Variants in PSME4 observed in about 807,000 individuals in gnomAD.
The protein encoded by PSME4 is proteasome activator subunit 4, also known as proteasome activator complex subunit 4.
In PSME4, 89 loss-of-function variants were observed where a neutral mutation model predicts 253.9. The observed-to-expected ratio is 0.35, with a 90% CI of 0.30 to 0.42. PSME4 has a LOEUF of 0.42. Among genes scored for constraint, PSME4 ranks in the 10% least tolerant of loss-of-function variants. PSME4 has a pLI of 1.00. For missense variants in PSME4, 2,014 were observed against 2,195.2 expected, an observed-to-expected ratio of 0.92 and a Z score of 1.65; for synonymous variants, 851 against 759.2, an observed-to-expected ratio of 1.12 and a Z score of -1.99.
intron 1 of PSME4, among the ~76,000 whole-genome samples, chr2:53,957,658 G>A (rs1670295804): frequency 6.6e-6 from 1 of 152,162 alleles, no homozygotes; most frequent in Admixed American, 6.5e-5. Flanking sequence ...GGGAGATGGA[G>A]ACCCCTACTT....
At chr2:53,960,164 C>G (rs1378092307) in intron 1 of PSME4, among the ~76,000 whole-genome samples, 1 of 152,116 alleles carries the variant, frequency 6.6e-6, no homozygotes. Context: ...CTTTGGGAGG[C>G]TGAGGCAGGT....
At chr2:53,959,397 T>A (rs1670380066) in intron 1 of PSME4, among the ~76,000 whole-genome samples, 2 of 152,112 alleles carry the variant, frequency 1.3e-5, no homozygotes, top group South Asian at 4.1e-4. Context: ...AGCTGCTTAA[T>A]CCCTGACAGC....
chr2:53,914,737 C>T (rs906007740), intron 20 of PSME4, among the ~76,000 whole-genome samples: 14 of 151,954 alleles, frequency 9.2e-5, no homozygotes, highest in African/African-American at 3.4e-4. Context: ...AAAAATTAGC[C>T]GGGCATGGTG....
At chr2:53,959,922 C>T (rs1035422099) in intron 1 of PSME4, among the ~76,000 whole-genome samples, 68 of 152,110 alleles carry the variant, frequency 4.5e-4, no homozygotes, top group Non-Finnish European at 3.5e-4. Flanking sequence ...ACCTGGAAGA[C>T]GAAACATGTA....
intron 41 of PSME4, among the ~76,000 whole-genome samples, chr2:53,880,128 T>A (rs1262001627): frequency 6.6e-6 from 1 of 152,172 alleles, no homozygotes; most frequent in Non-Finnish European, 1.5e-5. Flanking sequence ...TAAGGGTATT[T>A]CTTTAGAGAC....
At chr2:53,950,623 C>T (rs1365202153) in intron 1 of PSME4, among the ~76,000 whole-genome samples, 4 of 152,008 alleles carry the variant, frequency 2.6e-5, no homozygotes, top group Non-Finnish European at 4.4e-5. Flanking sequence ...GGGTGGATTA[C>T]CTGAGGTCAG....
chr2:53,919,238 A>G lies in PSME4; in HGVS notation c.2429T>C (p.Ile810Thr), dbSNP rs1258168028. Residue 810 changes from isoleucine to threonine, a missense_variant, in exon 20 of 47, where the codon ATT (isoleucine) becomes ACT (threonine). By Grantham distance (89) the Ile-to-Thr change is moderately conservative (BLOSUM62 -1). Transcript: ENST00000404125. The part of the protein sequence containing the change: ...DGKLEMSRDD[I>T]LQSLTIVHNC... ...GTGCACTATAGTCAGACTCTGTAGA[A>G]TATCATCTCTAGAAAAAAAAAAAAG... The G allele has an allele frequency of 7.0e-6, 11 of 1,579,302 alleles. No homozygotes were observed. The highest frequency in any genetic ancestry group is 9.4e-6 in the Non-Finnish European group (11 of 1,168,592).
intron 3 of PSME4, 31 bp downstream of exon 3, chr2:53,948,390 C>T: frequency 6.9e-6 from 10 of 1,451,500 alleles, no homozygotes; most frequent in Non-Finnish European, 9.7e-6. Context: ...CCAAGTACTC[C>T]CAAATAAGTG....
chr2:53,914,664 C>G (rs1334413361), intron 20 of PSME4, among the ~76,000 whole-genome samples: 1 of 152,090 alleles, frequency 6.6e-6, no homozygotes, highest in African/African-American at 2.4e-5. Flanking sequence ...GGGTGGATCA[C>G]AAGGTCAGGA....
intron 28 of PSME4, among the ~76,000 whole-genome samples, chr2:53,900,227 G>C (rs1222190778): frequency 6.6e-6 from 1 of 152,028 alleles, no homozygotes; most frequent in Non-Finnish European, 1.5e-5. Context: ...AATGGGAAGC[G>C]ACTGCTATTA....
At chr2:53,932,278 T>G (rs1000364207) in intron 9 of PSME4, among the ~76,000 whole-genome samples, 178 bp from the exon 10 acceptor site, 1 of 152,166 alleles carries the variant, frequency 6.6e-6, no homozygotes, top group Non-Finnish European at 1.5e-5. Flanking sequence ...TTATTCCTAA[T>G]AATTAATGAA....
chr2:53,925,639 G>A lies in PSME4; in HGVS notation c.1709C>T (p.Thr570Ile), dbSNP rs1449022285. ...CAAGTGTGTCATTTTCTCAGTTTCT[G>A]TCTCTTCTCTTGTTTGCTCCAATGT... ...SSTLEQTREE[T>I]ETEKMTHLES... The change falls in exon 14 of 47, where the codon ACA becomes ATA. Residue 570 changes from threonine (T) to isoleucine (I), a missense_variant. By Grantham distance (89) the Thr-to-Ile change is moderately conservative. Around this residue, in one of 4 missense-constraint regions of PSME4, gnomAD observed 989 missense variants for 1,021.1 expected, o/e 0.97. Transcript: ENST00000404125. 1 of 1,611,132 alleles carries A rather than the reference G, an allele frequency of 6.2e-7. No individual in the cohort carries two copies. Among genetic ancestry groups the A allele is most frequent in the Admixed American group, 1.7e-5 (1 of 59,954 alleles).
intron 4 of PSME4, among the ~76,000 whole-genome samples, chr2:53,938,249 A>T (rs529767721): frequency 2.0e-5 from 3 of 152,192 alleles, no homozygotes; most frequent in Non-Finnish European, 4.4e-5. Flanking sequence ...TCAGTCCAGC[A>T]ATCTCTAGGC....
At chr2:53,900,661 C>T (rs1420591448) in intron 28 of PSME4, among the ~76,000 whole-genome samples, 3 of 152,158 alleles carry the variant, frequency 2.0e-5, no homozygotes, top group Non-Finnish European at 2.9e-5. Context: ...AATTACATCT[C>T]AATTAAAATT....
chr2:53,948,571 G>A, intron 2 of PSME4, 34 bp from the exon 3 acceptor site: 8 of 1,236,332 alleles, frequency 6.5e-6, no homozygotes, highest in Non-Finnish European at 8.3e-6. Flanking sequence ...ACCTATGTAT[G>A]CATATGTGCA....
intron 1 of PSME4, among the ~76,000 whole-genome samples, chr2:53,966,565 A>G (rs917966587): frequency 6.9e-6 from 1 of 144,976 alleles, no homozygotes; most frequent in South Asian, 2.1e-4. Flanking sequence ...TCTGTCTCCA[A>G]AAAAAAAAAA....
At position 53,936,757 on chromosome 2, in the gene PSME4, T is replaced by A; in HGVS notation, c.759+7A>T. ...AGGGGGGAAGAAAGGGAAAAAGGGA[T>A]ACTTACCCCCTCCCATTGTGGGAGA... is the stretch of plus-strand genomic sequence containing the variant. On this transcript the variant is annotated splice_region_variant and intron_variant, in intron 6 of 46. Transcript: ENST00000404125. 6.4e-7 allele frequency: 1 copy of A among 1,561,286 alleles called. No individual in the cohort carries two copies. The highest frequency in any genetic ancestry group is 8.7e-7 in the Non-Finnish European group (1 of 1,152,174).
At position 53,887,423 on chromosome 2, in the gene PSME4, G is replaced by A; in HGVS notation, c.4565C>T (p.Thr1522Ile). The change falls in exon 40 of 47, where the codon ACC becomes ATC. Residue 1522 changes from threonine (T) to isoleucine (I), a missense_variant. By Grantham distance (89) the Thr-to-Ile change is moderately conservative (BLOSUM62 -1). This residue lies in a region of PSME4 where 403 missense variants were observed against 556.1 expected (regional missense o/e 0.72). Transcript: ENST00000404125. ...GACATGAGGCGATATGGTTGGTGTG[G>A]TATTTGGCAAAGATACATCTATCAT... ...IFMIDVSLPNTTPTISPHVPE... is the reference protein window; with the variant it reads ...IFMIDVSLPNITPTISPHVPE... 6.2e-7 allele frequency: 1 copy of A among 1,613,900 alleles called. No homozygotes were observed. Among genetic ancestry groups the A allele is most frequent in the East Asian group, 2.2e-5 (1 of 44,872 alleles).
intron 1 of PSME4, among the ~76,000 whole-genome samples, chr2:53,959,755 G>GT (rs1057286065): frequency 6.6e-6 from 1 of 152,044 alleles, no homozygotes; most frequent in African/African-American, 2.4e-5. Context: ...AAGAGGAAAG[G>GT]TTTTTTCATA....
Sources: allele counts gnomAD v4.1 joint callset (sites outside exome capture counted in the v4.1 genomes callset), GRCh38; gene constraint gnomAD v4.1.1; regional missense constraint gnomAD v4.1.1; transcripts MANE v1.5; gene names NCBI Gene and HGNC (gene_info 2026-07-23, HGNC 2026-07-21).